Variants in CLASP2 observed in about 807,000 individuals in gnomAD.
CLASP2 encodes the protein CLIP-associating protein 2.
CLASP2 carries 47 observed loss-of-function variants against 194.4 expected under a neutral mutation model. That is an observed-to-expected ratio of 0.24 (90% CI 0.19 to 0.31). The LOEUF is 0.31. Among genes scored for constraint, CLASP2 ranks in the 10% least tolerant of loss-of-function variants. The pLI is 1.00. For missense variants in CLASP2, 1,445 were observed against 1,823.6 expected (o/e 0.79, Z 3.78); for synonymous variants, 619 against 633.5 (o/e 0.98, Z 0.34).
chr3:33,663,403 CTAAA>C (rs763421330), intron 7 of CLASP2, 38 bp downstream of exon 7: 5 of 1,518,120 alleles, frequency 3.3e-6, no homozygotes, highest in African/African-American at 2.7e-5. Context: ...TAAAACTTTG[CTAAA>C]TAGTCTTAGA....
chr3:33,660,144 A>G (rs1229649605), intron 7 of CLASP2, among the ~76,000 whole-genome samples: 1 of 152,218 alleles, frequency 6.6e-6, no homozygotes, highest in Non-Finnish European at 1.5e-5. Context: ...AGGATTTGCA[A>G]TTACAGCCAC....
chr3:33,651,886 T>C (rs930278518), intron 7 of CLASP2, among the ~76,000 whole-genome samples: 32 of 152,160 alleles, frequency 2.1e-4, no homozygotes, highest in African/African-American at 7.2e-4. Flanking sequence ...CTCAAACTCC[T>C]GACCTCAGGT....
At chr3:33,641,067 A>G (rs1258841483) in intron 8 of CLASP2, among the ~76,000 whole-genome samples, 2 of 152,002 alleles carry the variant, frequency 1.3e-5, no homozygotes, top group African/African-American at 2.4e-5. Flanking sequence ...CTGGCAGGTT[A>G]CTTCTCCAAA....
intron 26 of CLASP2, 49 bp from the exon 27 acceptor site, chr3:33,566,783 A>G (rs952259721): frequency 7.0e-6 from 3 of 431,148 alleles, no homozygotes; most frequent in Non-Finnish European, 1.4e-5. Flanking sequence ...GAAAAAAAGA[A>G]AAAAAAGAAA....
intron 6 of CLASP2, among the ~76,000 whole-genome samples, chr3:33,663,848 C>T (rs2085720039): frequency 6.6e-6 from 1 of 152,108 alleles, no homozygotes; most frequent in Non-Finnish European, 1.5e-5. Flanking sequence ...AATAAGTCTA[C>T]TCAGTCACCA....
intron 1 of CLASP2, among the ~76,000 whole-genome samples, chr3:33,703,771 C>A (rs987874889): frequency 1.3e-5 from 2 of 152,208 alleles, no homozygotes; most frequent in African/African-American, 4.8e-5. Context: ...CAGGCATGCA[C>A]CACCATGCCC....
At chr3:33,603,370 T>A (rs574655432) in intron 17 of CLASP2, among the ~76,000 whole-genome samples, 2 of 152,318 alleles carry the variant, frequency 1.3e-5, no homozygotes, top group East Asian at 3.9e-4. Context: ...GGAAAAATGG[T>A]GACATTGTGA....
chr3:33,541,826 T>A (rs1482841046), intron 32 of CLASP2, among the ~76,000 whole-genome samples: 2 of 152,160 alleles, frequency 1.3e-5, no homozygotes, highest in African/African-American at 2.4e-5. Flanking sequence ...TATAACAGAA[T>A]GATTTATATT....
intron 28 of CLASP2, among the ~76,000 whole-genome samples, chr3:33,560,450 C>A (rs1217591092): frequency 1.3e-5 from 2 of 152,018 alleles, no homozygotes; most frequent in Non-Finnish European, 2.9e-5. Context: ...ACCATGTTGA[C>A]CAGGCTGGTC....
intron 6 of CLASP2, among the ~76,000 whole-genome samples, chr3:33,668,031 A>C (rs1319611315): frequency 6.6e-6 from 1 of 152,184 alleles, no homozygotes; most frequent in Non-Finnish European, 1.5e-5. Flanking sequence ...CAGCCTGGCC[A>C]ACACAGTGAA....
chr3:33,672,090 G>C (rs955121721), intron 6 of CLASP2, among the ~76,000 whole-genome samples: 8 of 152,218 alleles, frequency 5.3e-5, no homozygotes, highest in Middle Eastern at 3.2e-3. Context: ...GAAGAGAGCA[G>C]TGGTTCTCCC....
At chr3:33,570,283 C>A (rs1430600501) in intron 26 of CLASP2, among the ~76,000 whole-genome samples, 1 of 152,154 alleles carries the variant, frequency 6.6e-6, no homozygotes, top group Non-Finnish European at 1.5e-5. Context: ...TGGCTGGAAC[C>A]ACATTTTGTG....
chr3:33,520,136 C>T (rs2052568361), intron 34 of CLASP2, among the ~76,000 whole-genome samples: 1 of 152,190 alleles, frequency 6.6e-6, no homozygotes, highest in Non-Finnish European at 1.5e-5. Context: ...GCCTCAGCCT[C>T]CCAAGTAGCT....
rs115999361 is a variant in CLASP2, at chr3:33,499,186, C to T, written c.4435-469G>A. ...GATGGTTTTGTGAGGGGTTTTTGCC[C>T]GCTTCGCTCTGCAGCTCTCCCATTC... On this transcript the variant is annotated intron_variant, in intron 38 of 38. Transcript: ENST00000682230. Among the ~76,000 whole-genome samples the T allele has an allele frequency of 3.7e-3, 562 of 152,112 alleles. 2 individuals carry two copies. The highest frequency in any genetic ancestry group is 0.013 in the African/African-American group (521 of 41,496).
intron 1 of CLASP2, among the ~76,000 whole-genome samples, chr3:33,700,505 G>C (rs966980229): frequency 2.0e-5 from 3 of 151,898 alleles, no homozygotes; most frequent in South Asian, 4.1e-4. Flanking sequence ...ACAAATACTA[G>C]GTCTATTGAG....
At chr3:33,684,322 GAA>G (rs111738010) in intron 6 of CLASP2, 35 bp downstream of exon 6, 3,015 of 945,040 alleles carry the variant, frequency 3.2e-3, no homozygotes, top group South Asian at 5.1e-3. Flanking sequence ...AACTAGTGGT[GAA>G]AAAAAAAAAA....
At chr3:33,607,115 A>C (rs1393885316) in intron 15 of CLASP2, among the ~76,000 whole-genome samples, 3 of 152,378 alleles carry the variant, frequency 2.0e-5, no homozygotes, top group Admixed American at 6.5e-5. Context: ...TCAGGTTCAC[A>C]ATACAAACTT....
chr3:33,655,077 G>A (rs1029669522), intron 7 of CLASP2, among the ~76,000 whole-genome samples: 2 of 152,068 alleles, frequency 1.3e-5, no homozygotes, highest in Admixed American at 1.3e-4. Context: ...AATAATAAAT[G>A]AGGCTCAGAA....
At chr3:33,673,571 G>A (rs1477371312) in intron 6 of CLASP2, among the ~76,000 whole-genome samples, 2 of 151,870 alleles carry the variant, frequency 1.3e-5, no homozygotes, top group Admixed American at 1.3e-4. Flanking sequence ...CATAATGACA[G>A]GATCAAATTC....
Sources: gnomAD v4.1 joint callset for allele counts (sites outside exome capture counted in the v4.1 genomes callset) on GRCh38, gnomAD v4.1.1 for gene constraint, MANE v1.5 for transcripts, NCBI Gene and HGNC (gene_info 2026-07-23, HGNC 2026-07-21) for gene names.